TMEM182: variants seen among roughly 807,000 people sequenced by gnomAD.
TMEM182 encodes transmembrane protein 182.
In TMEM182, 20 loss-of-function variants were observed where a neutral mutation model predicts 26.8. The observed-to-expected ratio is 0.75, with a 90% confidence interval of 0.53 to 1.09. The LOEUF is 1.09. Among genes scored for constraint, TMEM182 ranks in the 50% least tolerant of loss-of-function variants. The probability of loss-of-function intolerance (pLI) is 0.00; values close to 1 mark genes in which losing one functional copy is unlikely to be tolerated. For missense variants in TMEM182, 277 were observed against 275.5 expected (o/e 1.01, Z -0.04); for synonymous variants, 109 against 102.2 (o/e 1.07, Z -0.40).
chr2:102,790,431 G>A (rs1223436595), intron 3 of TMEM182, among the ~76,000 whole-genome samples: 2 of 152,170 alleles, frequency 1.3e-5, no homozygotes, highest in Non-Finnish European at 2.9e-5. Flanking sequence ...TCTGGAAAAA[G>A]AAATACTATG....
Position 102,813,308 on chromosome 2 carries a change from T to A in TMEM182, c.470-1440T>A, listed in dbSNP as rs574696742. On this transcript the variant is annotated intron_variant, in intron 4 of 4. Transcript: ENST00000412401. ...ATCCTAAATGCTGTAGGACCACAATTAACGTGAGAAATGTAATTGATGACT... is the reference window on the plus strand; with the variant it reads ...ATCCTAAATGCTGTAGGACCACAATAAACGTGAGAAATGTAATTGATGACT... Among the ~76,000 whole-genome samples the A allele has an allele frequency of 1.9e-3, 292 of 152,300 alleles. 3 individuals carry two copies. The highest frequency in any genetic ancestry group is 6.6e-3 in the African/African-American group (273 of 41,578).
chr2:102,841,532 G>T (rs150221002), intron 3 of TMEM182, among the ~76,000 whole-genome samples: 1 of 152,182 alleles, frequency 6.6e-6, no homozygotes, highest in Non-Finnish European at 1.5e-5. Context: ...ACTGCAGACA[G>T]GCTCCGCAGC....
At chr2:102,774,007 A>T (rs984810155) in intron 3 of TMEM182, among the ~76,000 whole-genome samples, 8 of 152,134 alleles carry the variant, frequency 5.3e-5, no homozygotes, top group African/African-American at 1.9e-4. Flanking sequence ...AAACTATTTC[A>T]TTTTAGAAAT....
chr2:102,742,901 C>T (rs1007059784), intron 1 of TMEM182, among the ~76,000 whole-genome samples: 3 of 151,916 alleles, frequency 2.0e-5, no homozygotes, highest in African/African-American at 7.3e-5. Flanking sequence ...TTCCATTAGC[C>T]ATGCCTTTCA....
At chr2:102,813,421 T>G (rs1682626733) in intron 4 of TMEM182, among the ~76,000 whole-genome samples, 1 of 152,232 alleles carries the variant, frequency 6.6e-6, no homozygotes, top group South Asian at 2.1e-4. Context: ...ATTCTAGCAA[T>G]TAGACTATGG....
chr2:102,786,098 C>A (rs1681377179), intron 3 of TMEM182, among the ~76,000 whole-genome samples: 2 of 143,844 alleles, frequency 1.4e-5, no homozygotes. Flanking sequence ...TCTTTTCTGG[C>A]AGTTTTAGAA....
rs11894230 is a variant in TMEM182, at chr2:102,743,317, A to G, written c.-83+6304A>G. On this transcript the variant is annotated intron_variant, in intron 1 of 5. Coordinates refer to the TMEM182 transcript ENST00000409173. ...ATATGGAAAGAAAAGAGAGAAAGTA[A>G]GATTATAAAATGCTCCCATTAAAAC... 7.7e-3 allele frequency among the ~76,000 whole-genome samples: 1,172 copies of G among 152,284 alleles called. 14 individuals carry two copies. The highest frequency in any genetic ancestry group is 0.025 in the African/African-American group (1,042 of 41,556).
chr2:102,794,249 A>G (rs1286488607), intron 3 of TMEM182, among the ~76,000 whole-genome samples: 1 of 152,212 alleles, frequency 6.6e-6, no homozygotes, highest in Non-Finnish European at 1.5e-5. Flanking sequence ...CTTGCAAGAA[A>G]GTGGTAAATA....
chr2:102,747,178 A>G (rs1679725065), intron 1 of TMEM182, among the ~76,000 whole-genome samples: 2 of 152,174 alleles, frequency 1.3e-5, no homozygotes, highest in South Asian at 4.1e-4. Context: ...AAAGCTTAAC[A>G]TGATGCATAG....
At position 102,817,264 on chromosome 2, in the gene TMEM182, A is replaced by G. The variant is rs769823863; in HGVS notation, c.*2296A>G. Reference sequence around the variant, plus strand: ...ATTTCTCTATTGGTTGTATTTATTAATTTTTAGAAGCCTTTAAACTGTGTT... The same window carrying G: ...ATTTCTCTATTGGTTGTATTTATTAGTTTTTAGAAGCCTTTAAACTGTGTT... On this transcript the variant is annotated 3_prime_UTR_variant, in exon 5 of 5. Coordinates refer to ENST00000412401, the MANE Select transcript of TMEM182 (RefSeq NM_144632.5). 1 of 985,294 alleles carries G rather than the reference A, an allele frequency of 1.0e-6. No homozygotes were observed. The highest frequency in any genetic ancestry group is 1.2e-6 in the Non-Finnish European group (1 of 829,784). 61.0% of individuals were successfully genotyped at this position (985,294 alleles called of 1,614,324 possible).
At chr2:102,772,619 G>A (rs1387996377) in intron 3 of TMEM182, among the ~76,000 whole-genome samples, 2 of 152,004 alleles carry the variant, frequency 1.3e-5, no homozygotes, top group African/African-American at 2.4e-5. Flanking sequence ...TTCTATGGGG[G>A]TACAAGCTGG....
intron 1 of TMEM182, among the ~76,000 whole-genome samples, chr2:102,741,641 T>G (rs573178342): frequency 6.6e-6 from 1 of 152,162 alleles, no homozygotes; most frequent in Non-Finnish European, 1.5e-5. Context: ...CCCCAGACAC[T>G]TAAGCCCACT....
At chr2:102,801,404 G>C (rs567022753) in intron 4 of TMEM182, among the ~76,000 whole-genome samples, 5 of 152,166 alleles carry the variant, frequency 3.3e-5, no homozygotes, top group Admixed American at 6.5e-5. Context: ...CTTGAAGCAG[G>C]CTTTCAGTGG....
At chr2:102,808,804 T>G (rs902120602) in intron 4 of TMEM182, among the ~76,000 whole-genome samples, 2 of 152,216 alleles carry the variant, frequency 1.3e-5, no homozygotes, top group African/African-American at 4.8e-5. Flanking sequence ...TCTCAGGCAT[T>G]ATGTTGAGTA....
chr2:102,744,819 T>C (rs556620957), intron 1 of TMEM182, among the ~76,000 whole-genome samples: 1 of 152,286 alleles, frequency 6.6e-6, no homozygotes, highest in East Asian at 1.9e-4. Context: ...TTTGACTGTC[T>C]TTAAGGTTTT....
At chr2:102,758,725 C>A (rs560439296), upstream of TMEM182, among the ~76,000 whole-genome samples, 3 of 152,266 alleles carry the variant, frequency 2.0e-5, no homozygotes, top group South Asian at 2.1e-4. Context: ...TATTTCAGTG[C>A]CTGTTGTGTG....
At chr2:102,831,671 T>C (rs1256914329) in intron 3 of TMEM182, among the ~76,000 whole-genome samples, 5 of 152,040 alleles carry the variant, frequency 3.3e-5, no homozygotes, top group Non-Finnish European at 7.4e-5. Flanking sequence ...GCACGAGAAT[T>C]GCTCAAACCT....
chr2:102,767,549 A>T (rs1411087706), intron 3 of TMEM182, among the ~76,000 whole-genome samples: 1 of 152,170 alleles, frequency 6.6e-6, no homozygotes, highest in African/African-American at 2.4e-5. Context: ...TTGCCTTCTC[A>T]GTGTCCCCAT....
chr2:102,839,160 C>A (rs1451417519), intron 3 of TMEM182, among the ~76,000 whole-genome samples: 1 of 152,050 alleles, frequency 6.6e-6, no homozygotes, highest in Non-Finnish European at 1.5e-5. Context: ...ATGTTTGTTT[C>A]ACATGGCATA....
Sources: gnomAD v4.1 joint callset for allele counts (sites outside exome capture counted in the v4.1 genomes callset) on GRCh38, gnomAD v4.1.1 for gene constraint, MANE v1.5 for transcripts, NCBI Gene and HGNC (gene_info 2026-07-23, HGNC 2026-07-21) for gene names.